Variants in GALNT17 observed in about 807,000 individuals in gnomAD.
GALNT17 encodes the protein UDP-GalNAc:polypeptide N-acetylgalactosaminyltransferase-like 3.
Under a neutral mutation model 63.7 loss-of-function variants are expected in GALNT17, and 29 were observed. That is an observed-to-expected ratio of 0.46 (90% confidence interval 0.34 to 0.62). The LOEUF (loss-of-function observed/expected upper bound fraction) is 0.62, where lower values mean the gene tolerates loss of function less well. GALNT17 is among the 20% of genes least tolerant of loss of function. The pLI, the probability that GALNT17 is intolerant of heterozygous loss-of-function variation, is 0.01. For missense variants in GALNT17, 603 were observed against 799.6 expected (o/e 0.75, Z 2.97); for synonymous variants, 305 against 318.3 (o/e 0.96, Z 0.45).
At chr7:71,136,660 T>C (rs540186852) in intron 1 of GALNT17, among the ~76,000 whole-genome samples, 2 of 152,070 alleles carry the variant, frequency 1.3e-5, no homozygotes, top group Admixed American at 6.6e-5. Flanking sequence ...AATTTTTGTG[T>C]TTTTAGTAGA....
chr7:71,424,591 G>A (rs1326406328), intron 5 of GALNT17, among the ~76,000 whole-genome samples: 2 of 152,346 alleles, frequency 1.3e-5, no homozygotes, highest in East Asian at 3.9e-4. Flanking sequence ...AATGTGACAT[G>A]CATCTCTGTT....
At position 71,377,115 on chromosome 7, in the gene GALNT17, ATATAT is replaced by A. The variant is rs1303673073; in HGVS notation, c.423-11119_423-11115del. 4.3e-3 allele frequency among the ~76,000 whole-genome samples: 164 copies of A among 38,466 alleles called. 5 individuals are homozygous for A. Among genetic ancestry groups the A allele is most frequent in the South Asian group, 6.4e-3 (9 of 1,398 alleles). The allele number at this position is 38,466 out of a possible 152,430, so 25.2% of individuals were successfully genotyped here. On this transcript the variant is annotated intron_variant, in intron 2 of 10. Coordinates refer to ENST00000333538, the MANE Select transcript of GALNT17 (RefSeq NM_022479.3). ...AAAAAAAAAAATAAAAATAAAAAAA[ATATAT>A]ATATATATATATATATATATAAAAT... is the stretch of plus-strand genomic sequence containing the variant.
chr7:71,266,066 CAGTCTCTGCATCTGTGGCTGCATCACTTT>C (rs1044523263), intron 1 of GALNT17, among the ~76,000 whole-genome samples: 4 of 152,124 alleles, frequency 2.6e-5, no homozygotes, highest in African/African-American at 9.7e-5. Context: ...CGCATCACTC[CAGTCTCTGCATCTGTGGCTGCATCACTTT>C]AGTCTCTGCA....
chr7:71,147,387 C>T lies in GALNT17; in HGVS notation c.238+14347C>T, dbSNP rs1585837806. Among the ~76,000 whole-genome samples the T allele has an allele frequency of 2.0e-5, 3 of 152,240 alleles. No homozygotes were observed. In the South Asian group the frequency reaches 6.2e-4, roughly 32 times the overall value. Reference sequence around the variant, plus strand: ...AAGTAGGCTGGGAAGCTAGGCCAGTCTAACTTTTCATGTTTTTCTGCCTGC... The same window carrying T: ...AAGTAGGCTGGGAAGCTAGGCCAGTTTAACTTTTCATGTTTTTCTGCCTGC... On this transcript the variant is annotated intron_variant, in intron 1 of 10. Transcript: ENST00000333538.
chr7:71,523,283 G>A (rs1054114568), intron 5 of GALNT17, among the ~76,000 whole-genome samples: 13 of 152,236 alleles, frequency 8.5e-5, no homozygotes, highest in African/African-American at 3.1e-4. Flanking sequence ...TAAAAATTTA[G>A]TCAGGCGTGG....
At chr7:71,547,450 G>A (rs907177901) in intron 5 of GALNT17, among the ~76,000 whole-genome samples, 4 of 151,870 alleles carry the variant, frequency 2.6e-5, no homozygotes, top group Admixed American at 6.6e-5. Flanking sequence ...CACTGCGCCC[G>A]GCCCAGCTAA....
At chr7:71,247,693 GT>G (rs1311251562) in intron 1 of GALNT17, among the ~76,000 whole-genome samples, 1 of 152,092 alleles carries the variant, frequency 6.6e-6, no homozygotes, top group Admixed American at 6.5e-5. Context: ...CTGACCTCAG[GT>G]GATCCACCCA....
At chr7:71,383,198 A>G (rs1327105846) in intron 2 of GALNT17, among the ~76,000 whole-genome samples, 1 of 152,202 alleles carries the variant, frequency 6.6e-6, no homozygotes, top group African/African-American at 2.4e-5. Flanking sequence ...AAAACTGGAT[A>G]ACATTCCATT....
intron 2 of GALNT17, among the ~76,000 whole-genome samples, chr7:71,345,278 G>A (rs1792071999): frequency 6.6e-6 from 1 of 151,592 alleles, no homozygotes; most frequent in Non-Finnish European, 1.5e-5. Flanking sequence ...GCTTATTAAA[G>A]CCACTGCTGA....
At chr7:71,481,431 C>G (rs75482522) in intron 5 of GALNT17, among the ~76,000 whole-genome samples, 20,405 of 152,138 alleles carry the variant, frequency 0.13, 1,986 homozygotes, top group East Asian at 0.54. Flanking sequence ...GCCTGGGCGA[C>G]AGAGCGAGAC....
At chr7:71,377,114 A>AAAAAAAAATATATATATATATATATATAT in intron 2 of GALNT17, among the ~76,000 whole-genome samples, 1 of 57,486 alleles carries the variant, frequency 1.7e-5, no homozygotes, top group Admixed American at 2.5e-4. Flanking sequence ...AAATAAAAAA[A>AAAAAAAAATATATATATATATATATATAT]ATATATATAT....
intron 1 of GALNT17, among the ~76,000 whole-genome samples, chr7:71,217,884 C>T (rs1300587176): frequency 6.6e-6 from 1 of 151,544 alleles, no homozygotes; most frequent in Non-Finnish European, 1.5e-5. Flanking sequence ...GCCGAGATCG[C>T]ACCACTGCAC....
At position 71,466,305 on chromosome 7, in the gene GALNT17, A is replaced by G. The variant is rs192224638; in HGVS notation, c.962+45200A>G. On this transcript the variant is annotated intron_variant, in intron 5 of 10. Transcript: ENST00000333538. ...TGAGGGGTCAGATATGCCTCATTGT[A>G]CCCTCTCCCTTGGAGTGTAGATACA... is the stretch of plus-strand genomic sequence containing the variant. Among the ~76,000 whole-genome samples, 244 of 152,200 alleles carry G rather than the reference A, an allele frequency of 1.6e-3. 1 individual carries two copies. Among genetic ancestry groups the G allele is most frequent in the Non-Finnish European group, 2.8e-3 (192 of 68,010 alleles).
intron 6 of GALNT17, among the ~76,000 whole-genome samples, chr7:71,627,076 G>A (rs1287412815): frequency 1.3e-5 from 2 of 152,214 alleles, no homozygotes; most frequent in Non-Finnish European, 2.9e-5. Context: ...ATGGAATACA[G>A]TTTCATGGGT....
chr7:71,433,901 T>C (rs1227733264), intron 5 of GALNT17, among the ~76,000 whole-genome samples: 2 of 152,142 alleles, frequency 1.3e-5, no homozygotes, highest in African/African-American at 4.8e-5. Context: ...CCACCCTCAA[T>C]CTGTTTGGGC....
chr7:71,681,425 G>T (rs1009033190), intron 9 of GALNT17, among the ~76,000 whole-genome samples: 17 of 152,324 alleles, frequency 1.1e-4, no homozygotes, highest in African/African-American at 4.1e-4. Flanking sequence ...AGATGGCCAA[G>T]AGTTGGATAT....
intron 1 of GALNT17, among the ~76,000 whole-genome samples, chr7:71,256,983 G>T (rs141809259): frequency 2.0e-5 from 3 of 152,102 alleles, no homozygotes; most frequent in South Asian, 2.1e-4. Context: ...TCTCTCTCTC[G>T]CACTCCTACC....
intron 2 of GALNT17, among the ~76,000 whole-genome samples, chr7:71,363,472 G>C (rs967761782): frequency 8.5e-5 from 13 of 152,198 alleles, no homozygotes; most frequent in Middle Eastern, 3.2e-3. Flanking sequence ...CCAGCCGCCA[G>C]TTTGGCGGCT....
intron 1 of GALNT17, among the ~76,000 whole-genome samples, chr7:71,185,016 CTCCT>C (rs368407592): frequency 2.7e-4 from 34 of 126,744 alleles, no homozygotes; most frequent in Non-Finnish European, 3.7e-4. Flanking sequence ...CCCTCCCTCC[CTCCT>C]TCCTTCCTTC....
Sources: allele counts gnomAD v4.1 joint callset (sites outside exome capture counted in the v4.1 genomes callset), GRCh38; gene constraint gnomAD v4.1.1; transcripts MANE v1.5; gene names NCBI Gene and HGNC (gene_info 2026-07-23, HGNC 2026-07-21).